The following PALS1 variants were observed in gnomAD, a reference collection of about 807,000 sequenced individuals.
The protein encoded by PALS1 is protein associated with LIN7 1, MAGUK p55 family member, also known as protein PALS1.
Under a neutral mutation model 78.9 loss-of-function variants are expected in PALS1, and 31 were observed. That is an observed-to-expected ratio of 0.39 (90% CI 0.30 to 0.53). The LOEUF is 0.53. PALS1 is among the 20% of genes least tolerant of loss of function. The pLI, the probability that PALS1 is intolerant of heterozygous loss-of-function variation, is 0.67. For synonymous variants in PALS1, 276 were observed against 270.9 expected (o/e 1.02, Z -0.18); for missense variants, 704 against 826.5 (o/e 0.85, Z 1.82).
chr14:67,303,657 T>G, intron 8 of PALS1, 58 bp downstream of exon 8: 2 of 1,139,308 alleles, frequency 1.8e-6, no homozygotes, highest in Non-Finnish European at 2.7e-6. Context: ...TTACTTCTGT[T>G]ACTGTTTACT....
chr14:67,253,557 T>C (rs148587262), intron 1 of PALS1, among the ~76,000 whole-genome samples: 1 of 152,278 alleles, frequency 6.6e-6, no homozygotes, highest in East Asian at 1.9e-4. Context: ...AAAAATGACG[T>C]AGTTAGGCCA....
At chr14:67,289,512 C>T (rs776585915) in intron 3 of PALS1, among the ~76,000 whole-genome samples, 8 of 151,778 alleles carry the variant, frequency 5.3e-5, no homozygotes, top group South Asian at 2.1e-4. Context: ...CCACTGATAC[C>T]GAGGGATAAC....
At chr14:67,282,303 T>C (rs1485302985) in intron 3 of PALS1, among the ~76,000 whole-genome samples, 1 of 152,176 alleles carries the variant, frequency 6.6e-6, no homozygotes, top group Non-Finnish European at 1.5e-5. Flanking sequence ...AATACCCATA[T>C]GACAGGAGAC....
At chr14:67,314,417 C>T (rs2085138049) in intron 9 of PALS1, among the ~76,000 whole-genome samples, 2 of 152,184 alleles carry the variant, frequency 1.3e-5, no homozygotes, top group African/African-American at 4.8e-5. Flanking sequence ...CACTTTAAAA[C>T]TCAGAGGCTA....
At chr14:67,300,712 T>C (rs1200182878) in intron 4 of PALS1, among the ~76,000 whole-genome samples, 1 of 152,094 alleles carries the variant, frequency 6.6e-6, no homozygotes, top group Non-Finnish European at 1.5e-5. Flanking sequence ...CTAAAAAAAT[T>C]TATAACCAAG....
At position 67,332,772 on chromosome 14, in the gene PALS1, G is replaced by A. The variant is rs1595627045; in HGVS notation, c.1852-8G>A. On this transcript the variant is annotated splice_polypyrimidine_tract_variant and splice_region_variant and intron_variant, in intron 14 of 14. Transcript: ENST00000261681. Reference sequence around the variant, plus strand: ...AATTATCTCACAGTTTTTATCTTCTGTTTGCAGCCTGAAGAGTTGAGAGAA... The same window carrying A: ...AATTATCTCACAGTTTTTATCTTCTATTTGCAGCCTGAAGAGTTGAGAGAA... The A allele has an allele frequency of 6.2e-7, 1 of 1,601,576 alleles. No homozygotes were observed. Among genetic ancestry groups the A allele is most frequent in the Non-Finnish European group, 8.5e-7 (1 of 1,171,184 alleles).
At chr14:67,311,072 G>T (rs776001823) in intron 8 of PALS1, among the ~76,000 whole-genome samples, 1 of 152,106 alleles carries the variant, frequency 6.6e-6, no homozygotes, top group Admixed American at 6.5e-5. Flanking sequence ...AGCACTTTGG[G>T]AGGCCAAGGC....
Position 67,279,030 on chromosome 14 carries a change from G to GAT in PALS1, c.-139_-138dup. 9.4e-6 allele frequency: 7 copies of GAT among 746,300 alleles called. No homozygotes were observed. Among genetic ancestry groups the GAT allele is most frequent in the Non-Finnish European group, 1.4e-5 (7 of 511,994 alleles). The allele number at this position is 746,300 out of a possible 1,614,324, so 46.2% of individuals were successfully genotyped here. A position where few individuals can be genotyped will look rare whatever the true frequency, so the allele number is the denominator to read the frequency against. ...TCTTTCCCCTTAGATTTCCTTCATG[G>GAT]ATACTTTTTCATAGCATTATTATGT... On this transcript the variant is annotated 5_prime_UTR_variant, in exon 3 of 15. An upstream open reading frame in the 5' UTR loses its in-frame stop. Coordinates refer to ENST00000261681, the MANE Select transcript of PALS1 (RefSeq NM_022474.4).
Position 67,292,504 on chromosome 14 carries a change from C to T in PALS1, c.368-7C>T, listed in dbSNP as rs1458085528. On this transcript the variant is annotated splice_region_variant and splice_polypyrimidine_tract_variant and intron_variant, in intron 3 of 14. Transcript: ENST00000261681. ...TAATTTTTGGATACCTTTTCTTCTT[C>T]TACTAGAAATAGAAGACTTGTTTTC... 5.1e-6 allele frequency: 8 copies of T among 1,581,954 alleles called. No homozygotes were observed. The highest frequency in any genetic ancestry group is 6.9e-6 in the Non-Finnish European group (8 of 1,153,324).
intron 3 of PALS1, among the ~76,000 whole-genome samples, chr14:67,286,466 GA>G (rs1340774130): frequency 6.6e-6 from 1 of 152,136 alleles, no homozygotes; most frequent in Non-Finnish European, 1.5e-5. Context: ...ATTCCCTGCA[GA>G]ATTGTATAGA....
intron 1 of PALS1, among the ~76,000 whole-genome samples, chr14:67,267,816 T>G (rs2084352420): frequency 6.6e-6 from 1 of 152,228 alleles, no homozygotes; most frequent in South Asian, 2.1e-4. Context: ...GTTTTGCATT[T>G]TCTAGAAATT....
intron 4 of PALS1, among the ~76,000 whole-genome samples, chr14:67,295,186 G>C (rs2084830155): frequency 6.6e-6 from 1 of 151,118 alleles, no homozygotes; most frequent in Admixed American, 6.6e-5. Flanking sequence ...TTGTTGGCTG[G>C]GTGCGGTCTG....
chr14:67,255,603 T>G (rs1567502835), intron 1 of PALS1, among the ~76,000 whole-genome samples: 2 of 152,256 alleles, frequency 1.3e-5, no homozygotes, highest in Admixed American at 6.5e-5. Flanking sequence ...ATGAAATTGC[T>G]TAGGGCTTGA....
At chr14:67,264,063 G>C (rs555791926) in intron 1 of PALS1, among the ~76,000 whole-genome samples, 18 of 152,116 alleles carry the variant, frequency 1.2e-4, no homozygotes, top group Non-Finnish European at 1.9e-4. Context: ...CATGGCACTC[G>C]GCAATAATTT....
intron 11 of PALS1, among the ~76,000 whole-genome samples, chr14:67,319,057 CA>C (rs367594842): frequency 1.6e-3 from 186 of 113,918 alleles, no homozygotes; most frequent in Non-Finnish European, 1.4e-3. Flanking sequence ...GACTCCGTCT[CA>C]AAAAAAAAAA....
intron 1 of PALS1, among the ~76,000 whole-genome samples, chr14:67,263,815 ACCT>A (rs1477777451): frequency 6.7e-6 from 1 of 150,338 alleles, no homozygotes; most frequent in Non-Finnish European, 1.5e-5. Flanking sequence ...TTCTACTGTG[ACCT>A]CCTCCATCAC....
intron 14 of PALS1, among the ~76,000 whole-genome samples, chr14:67,331,612 G>A (rs1244785239): frequency 2.0e-5 from 3 of 152,142 alleles, no homozygotes; most frequent in South Asian, 2.1e-4. Flanking sequence ...CATCTTAGTC[G>A]TGGATTGTAA....
In PALS1 at chr14:67,286,930, C is replaced by A. The variant is rs532731354; in HGVS notation, c.368-5581C>A. Among the ~76,000 whole-genome samples the A allele has an allele frequency of 2.0e-5, 3 of 148,396 alleles. No homozygotes were observed. The South Asian group carries it at 6.4e-4, about 32-fold the overall frequency. On this transcript the variant is annotated intron_variant, in intron 3 of 14. Transcript: ENST00000261681. ...TGTGAAGTGCTTTTAAAAATGTACC[C>A]TTTATGGCTGCGCGTGGTGGCTCAC...
At chr14:67,273,974 A>AT (rs756688767) in intron 2 of PALS1, among the ~76,000 whole-genome samples, 63 of 151,716 alleles carry the variant, frequency 4.2e-4, no homozygotes, top group Non-Finnish European at 8.0e-4. Context: ...GGGTTGTTTG[A>AT]TTTTTTCTTG....
Sources: gnomAD v4.1 joint callset for allele counts (sites outside exome capture counted in the v4.1 genomes callset) on GRCh38, gnomAD v4.1.1 for gene constraint, MANE v1.5 for transcripts, NCBI Gene and HGNC (gene_info 2026-07-23, HGNC 2026-07-21) for gene names.